The following PTGFR variants were observed in gnomAD, a reference collection of about 807,000 sequenced individuals.
The protein encoded by PTGFR is prostaglandin F receptor.
Under a neutral mutation model 26.2 loss-of-function variants are expected in PTGFR, and 15 were observed. That is an observed-to-expected ratio of 0.57 (90% CI 0.38 to 0.88). The LOEUF is 0.88. Ranked by LOEUF, PTGFR falls within the 40% of genes least tolerant of loss-of-function variation. The pLI is 0.00. For synonymous variants in PTGFR, 165 were observed against 151.1 expected (o/e 1.09, Z -0.68); for missense variants, 369 against 427.2 (o/e 0.86, Z 1.20).
chr1:78,502,940 T>C (rs557466787), intron 2 of PTGFR, among the ~76,000 whole-genome samples: 5 of 152,296 alleles, frequency 3.3e-5, no homozygotes, highest in African/African-American at 1.2e-4. Flanking sequence ...TTATTATGAA[T>C]GTTTGTGGAT....
intron 2 of PTGFR, among the ~76,000 whole-genome samples, chr1:78,512,644 A>C (rs1200252707): frequency 3.3e-5 from 5 of 152,276 alleles, no homozygotes; most frequent in Non-Finnish European, 7.4e-5. Context: ...CTATGACCTA[A>C]ACACCTTTCT....
chr1:78,531,650 A>T (rs1028170870), intron 2 of PTGFR, among the ~76,000 whole-genome samples: 1 of 151,918 alleles, frequency 6.6e-6, no homozygotes, highest in Non-Finnish European at 1.5e-5. Context: ...TTAATTAATT[A>T]ATTTATTTTT....
intron 2 of PTGFR, among the ~76,000 whole-genome samples, chr1:78,518,765 A>G (rs1650156263): frequency 6.6e-6 from 1 of 152,116 alleles, no homozygotes; most frequent in South Asian, 2.1e-4. Context: ...CACAGCTCCC[A>G]TCATTTCAAA....
intron 2 of PTGFR, among the ~76,000 whole-genome samples, chr1:78,536,057 C>T (rs1650644510): frequency 6.6e-6 from 1 of 152,106 alleles, no homozygotes; most frequent in East Asian, 1.9e-4. Context: ...AAAAATACTT[C>T]ATTGAAATAA....
intron 2 of PTGFR, among the ~76,000 whole-genome samples, chr1:78,506,456 G>T (rs1274121188): frequency 6.6e-6 from 1 of 151,806 alleles, no homozygotes; most frequent in African/African-American, 2.4e-5. Flanking sequence ...AAAACCAGTA[G>T]GGAAATTCTT....
intron 2 of PTGFR, among the ~76,000 whole-genome samples, chr1:78,530,552 A>C (rs117955042): frequency 6.6e-6 from 1 of 152,110 alleles, no homozygotes; most frequent in South Asian, 2.1e-4. Flanking sequence ...ATCATCTCCA[A>C]CTATTCAAAT....
chr1:78,503,101 CG>C (rs1420878708), intron 2 of PTGFR, among the ~76,000 whole-genome samples: 1 of 151,918 alleles, frequency 6.6e-6, no homozygotes, highest in African/African-American at 2.4e-5. Flanking sequence ...CCCAGAGATA[CG>C]GAAGTGTGAA....
At chr1:78,519,175 A>G (rs1650166417) in intron 2 of PTGFR, among the ~76,000 whole-genome samples, 1 of 152,136 alleles carries the variant, frequency 6.6e-6, no homozygotes, top group Admixed American at 6.6e-5. Flanking sequence ...CACTGAAACC[A>G]TCTCTGAGAG....
At chr1:78,518,567 G>GACACACACAC (rs57447321) in intron 2 of PTGFR, among the ~76,000 whole-genome samples, 10 of 137,964 alleles carry the variant, frequency 7.2e-5, no homozygotes, top group African/African-American at 2.4e-4. Context: ...CAGTATAAAA[G>GACACACACAC]ACACACACAC....
intron 2 of PTGFR, among the ~76,000 whole-genome samples, chr1:78,509,509 T>C (rs115120333): frequency 0.027 from 4,057 of 152,358 alleles, 87 homozygotes; most frequent in African/African-American, 0.056. Flanking sequence ...TAAAAATTTA[T>C]TTCCAAATTT....
In PTGFR at chr1:78,493,121, C is replaced by T; in HGVS notation, c.378C>T (p.Gly126=). The T allele has an allele frequency of 6.2e-7, 1 of 1,614,208 alleles. No individual in the cohort carries two copies. The highest frequency in any genetic ancestry group is 8.5e-7 in the Non-Finnish European group (1 of 1,180,032). Reference sequence around the variant, plus strand: ...CTGGTCTGTGCCCACTTCTTCTAGGCAGTGTGATGGCCATTGAGCGGTGTA... The same window carrying T: ...CTGGTCTGTGCCCACTTCTTCTAGGTAGTGTGATGGCCATTGAGCGGTGTA... ...VFSGLCPLLL[G]SVMAIERCIG... is the part of the protein sequence containing the mutation. Residue 126 remains glycine, a synonymous_variant, in exon 2 of 3, where the codon GGC becomes GGT. Transcript: ENST00000370757.
chr1:78,517,537 G>A (rs1650119170), intron 2 of PTGFR, among the ~76,000 whole-genome samples: 1 of 152,126 alleles, frequency 6.6e-6, no homozygotes, highest in African/African-American at 2.4e-5. Flanking sequence ...CCAGCCATGG[G>A]AAATTACTGG....
intron 2 of PTGFR, among the ~76,000 whole-genome samples, chr1:78,517,608 C>T (rs1424201752): frequency 6.6e-6 from 1 of 152,080 alleles, no homozygotes; most frequent in Non-Finnish European, 1.5e-5. Flanking sequence ...GGATGAGCTT[C>T]TTGTGATGAG....
At chr1:78,503,877 T>C (rs1191943439) in intron 2 of PTGFR, among the ~76,000 whole-genome samples, 3 of 152,188 alleles carry the variant, frequency 2.0e-5, no homozygotes, top group Admixed American at 6.5e-5. Flanking sequence ...TTGGTTGTTA[T>C]TGTTATTACA....
chr1:78,494,862 C>T (rs943223641), intron 2 of PTGFR, among the ~76,000 whole-genome samples: 1 of 152,168 alleles, frequency 6.6e-6, no homozygotes, highest in Non-Finnish European at 1.5e-5. Context: ...CCTCGGCCTC[C>T]CAAAGTGCTG....
At chr1:78,503,652 C>T (rs1013356001) in intron 2 of PTGFR, among the ~76,000 whole-genome samples, 45 of 152,290 alleles carry the variant, frequency 3.0e-4, no homozygotes, top group Middle Eastern at 3.4e-3. Context: ...TGTGACCTTG[C>T]ATTCTCTTCT....
chr1:78,523,984 A>C (rs1216468296), intron 2 of PTGFR, among the ~76,000 whole-genome samples: 1 of 152,088 alleles, frequency 6.6e-6, no homozygotes, highest in Non-Finnish European at 1.5e-5. Flanking sequence ...TGAAAGTAAA[A>C]AAGTGAAATT....
At chr1:78,521,473 T>C (rs1484346309) in intron 2 of PTGFR, among the ~76,000 whole-genome samples, 1 of 152,152 alleles carries the variant, frequency 6.6e-6, no homozygotes, top group East Asian at 1.9e-4. Flanking sequence ...CAAAGTTATG[T>C]GTGTTCATTG....
At position 78,493,043 on chromosome 1, in the gene PTGFR, C is replaced by T; in HGVS notation, c.300C>T (p.Arg100=). The T allele has an allele frequency of 6.2e-7, 1 of 1,614,236 alleles. No homozygotes were observed. Among genetic ancestry groups the T allele is most frequent in the East Asian group, 2.2e-5 (1 of 44,884 alleles). ...FVYASDKEWI[R]FDQSNVLCSI... ...ATGCTTCTGATAAAGAATGGATCCG[C>T]TTTGACCAATCAAATGTCCTTTGCA... Residue 100 remains arginine (R), a synonymous_variant, in exon 2 of 3, where the codon CGC becomes CGT. Coordinates refer to ENST00000370757, the MANE Select transcript of PTGFR (RefSeq NM_000959.4).
Sources: gnomAD v4.1 joint callset for allele counts (sites outside exome capture counted in the v4.1 genomes callset) on GRCh38, gnomAD v4.1.1 for gene constraint, MANE v1.5 for transcripts, NCBI Gene and HGNC (gene_info 2026-07-23, HGNC 2026-07-21) for gene names.